Variants in LRRC4C observed in about 807,000 individuals in gnomAD.
LRRC4C encodes the protein leucine-rich repeat-containing protein 4C.
LRRC4C carries 5 observed loss-of-function variants against 33.6 expected under a neutral mutation model. The ratio of observed to expected loss-of-function variants is 0.15; its 90% CI spans 0.08 to 0.31. The LOEUF (loss-of-function observed/expected upper bound fraction) is 0.31, where lower values mean the gene tolerates loss of function less well. LRRC4C is among the 10% of genes least tolerant of loss of function. LRRC4C has a pLI of 1.00. For synonymous variants in LRRC4C, 329 were observed against 302.0 expected (o/e 1.09, Z -0.93); for missense variants, 560 against 796.7 (o/e 0.70, Z 3.58).
intron 6 of LRRC4C, among the ~76,000 whole-genome samples, chr11:40,128,427 C>A (rs1239704557): frequency 1.3e-5 from 2 of 152,192 alleles, no homozygotes; most frequent in East Asian, 3.8e-4. Context: ...ATGTTATCTT[C>A]ATTTCCAACT....
chr11:40,186,124 G>A (rs1268908884), intron 5 of LRRC4C, among the ~76,000 whole-genome samples: 3 of 152,128 alleles, frequency 2.0e-5, no homozygotes, highest in Non-Finnish European at 2.9e-5. Flanking sequence ...CTAGACTCTG[G>A]TTCTACCTAC....
intron 1 of LRRC4C, among the ~76,000 whole-genome samples, chr11:40,976,564 C>T (rs1473438521): frequency 2.0e-5 from 3 of 152,116 alleles, no homozygotes; most frequent in African/African-American, 7.2e-5. Context: ...AAGGCACTAA[C>T]CAAACTAGTG....
At chr11:40,166,491 A>G (rs962665529) in intron 5 of LRRC4C, among the ~76,000 whole-genome samples, 3 of 152,184 alleles carry the variant, frequency 2.0e-5, no homozygotes, top group African/African-American at 7.2e-5. Flanking sequence ...AGGCATTGTC[A>G]GTTTCCTACT....
intron 3 of LRRC4C, among the ~76,000 whole-genome samples, chr11:40,325,613 G>A (rs774031222): frequency 3.6e-4 from 55 of 151,536 alleles, no homozygotes; most frequent in Non-Finnish European, 6.2e-4. Flanking sequence ...GGGCAACAGA[G>A]CAAGGCCCTG....
At chr11:40,518,825 C>T (rs2135205722) in intron 3 of LRRC4C, among the ~76,000 whole-genome samples, 1 of 152,264 alleles carries the variant, frequency 6.6e-6, no homozygotes, top group East Asian at 1.9e-4. Flanking sequence ...TTCACAATAG[C>T]AAAGACTTGG....
intron 1 of LRRC4C, among the ~76,000 whole-genome samples, chr11:41,086,746 C>T (rs970186893): frequency 6.6e-6 from 1 of 152,014 alleles, no homozygotes; most frequent in Non-Finnish European, 1.5e-5. Flanking sequence ...GACTTCCATC[C>T]CCTCCAAAAG....
chr11:40,346,978 G>A (rs1947165307), intron 3 of LRRC4C, among the ~76,000 whole-genome samples: 1 of 152,196 alleles, frequency 6.6e-6, no homozygotes, highest in Non-Finnish European at 1.5e-5. Flanking sequence ...TGGTAAATGA[G>A]TATTGACTTC....
chr11:40,157,663 A>G (rs902424523), intron 5 of LRRC4C, among the ~76,000 whole-genome samples: 2 of 152,218 alleles, frequency 1.3e-5, no homozygotes, highest in Non-Finnish European at 2.9e-5. Context: ...AAAAATGCTC[A>G]ACATCATTAA....
At chr11:40,123,680 T>C (rs943625022) in intron 6 of LRRC4C, among the ~76,000 whole-genome samples, 4 of 151,972 alleles carry the variant, frequency 2.6e-5, no homozygotes, top group Non-Finnish European at 5.9e-5. Context: ...AATCTACAGA[T>C]TCAATGCAAT....
chr11:40,232,091 C>T (rs1865240743), intron 5 of LRRC4C, among the ~76,000 whole-genome samples: 1 of 152,186 alleles, frequency 6.6e-6, no homozygotes, highest in Non-Finnish European at 1.5e-5. Flanking sequence ...GCTGCAACCT[C>T]TGCCTCCTGG....
intron 4 of LRRC4C, among the ~76,000 whole-genome samples, chr11:40,243,048 G>T (rs1590801707): frequency 1.3e-5 from 2 of 152,272 alleles, no homozygotes; most frequent in South Asian, 4.1e-4. Flanking sequence ...AACTGTATGT[G>T]CCTTTGCAAT....
At chr11:41,089,807 T>C (rs1000853805) in intron 1 of LRRC4C, among the ~76,000 whole-genome samples, 90 of 152,146 alleles carry the variant, frequency 5.9e-4, no homozygotes, top group Middle Eastern at 3.4e-3. Context: ...GAAACGATAA[T>C]AGATGTGTTG....
chr11:41,225,918 C>T (rs1397491840), intron 1 of LRRC4C, among the ~76,000 whole-genome samples: 1 of 152,114 alleles, frequency 6.6e-6, no homozygotes, highest in African/African-American at 2.4e-5. Flanking sequence ...ATGCCACTCA[C>T]CTCAACAGGA....
At chr11:40,641,581 C>G (rs560435999) in intron 3 of LRRC4C, among the ~76,000 whole-genome samples, 1 of 152,112 alleles carries the variant, frequency 6.6e-6, no homozygotes, top group Non-Finnish European at 1.5e-5. Flanking sequence ...AAAGTTGATG[C>G]GAAGAGTTTA....
At chr11:40,643,956 C>G (rs75642242) in intron 3 of LRRC4C, among the ~76,000 whole-genome samples, 5,628 of 152,030 alleles carry the variant, frequency 0.037, 163 homozygotes, top group African/African-American at 0.073. Flanking sequence ...CTGCAAACTA[C>G]GTATTCTACC....
chr11:40,488,214 G>T (rs1039725194), intron 3 of LRRC4C, among the ~76,000 whole-genome samples: 1 of 152,068 alleles, frequency 6.6e-6, no homozygotes, highest in African/African-American at 2.4e-5. Context: ...TTGGCACATG[G>T]ATTTCCAATT....
intron 3 of LRRC4C, among the ~76,000 whole-genome samples, chr11:40,599,792 A>T (rs1959786113): frequency 2.0e-5 from 3 of 152,204 alleles, no homozygotes. Context: ...TGGGTTTATC[A>T]AGTTAGAATG....
At chr11:41,277,009 T>G (rs1949505548) in intron 1 of LRRC4C, among the ~76,000 whole-genome samples, 1 of 152,206 alleles carries the variant, frequency 6.6e-6, no homozygotes, top group African/African-American at 2.4e-5. Flanking sequence ...GGTAGCTCTT[T>G]ATAGCAGTAA....
chr11:41,011,822 A>ATATAG (rs1855210847), intron 1 of LRRC4C, among the ~76,000 whole-genome samples: 1 of 141,734 alleles, frequency 7.1e-6, no homozygotes, highest in South Asian at 2.2e-4. Flanking sequence ...ATTCTATGTT[A>ATATAG]TATATTATAT....
Sources: gnomAD v4.1 joint callset for allele counts (sites outside exome capture counted in the v4.1 genomes callset) on GRCh38, gnomAD v4.1.1 for gene constraint, MANE v1.5 for transcripts, NCBI Gene and HGNC (gene_info 2026-07-23, HGNC 2026-07-21) for gene names.